HLTF: variants seen among roughly 807,000 people sequenced by gnomAD.
HLTF encodes DNA-dependent ATPase/E3 ubiquitin-protein ligase HLTF.
HLTF carries 127 observed loss-of-function variants against 129.4 expected under a neutral mutation model. The observed-to-expected ratio is 0.98, with a 90% CI of 0.85 to 1.14. HLTF has a LOEUF of 1.14. HLTF is among the 50% of genes most tolerant of loss of function. HLTF has a pLI of 0.00. For missense variants in HLTF, 1,139 were observed against 1,187.1 expected (o/e 0.96, Z 0.60); for synonymous variants, 332 against 388.8 (o/e 0.85, Z 1.72).
chr3:149,069,511 C>G (rs532662181), intron 7 of HLTF, among the ~76,000 whole-genome samples: 1 of 151,258 alleles, frequency 6.6e-6, no homozygotes, highest in South Asian at 2.1e-4. Context: ...CTTGACGAAG[C>G]AGTACACATT....
chr3:149,076,183 C>G (rs572891340), intron 2 of HLTF, 136 bp from the exon 3 acceptor site: 1 of 404,152 alleles, frequency 2.5e-6, no homozygotes, highest in East Asian at 3.7e-5. Context: ...ATTTTCTAGA[C>G]ACAAACTACA....
At chr3:149,035,958 A>AC (rs1269582396) in intron 23 of HLTF, among the ~76,000 whole-genome samples, 1 of 151,528 alleles carries the variant, frequency 6.6e-6, no homozygotes, top group African/African-American at 2.4e-5. Flanking sequence ...ACACGGTGAA[A>AC]CCCCATCTCT....
chr3:149,045,321 A>G (rs968001233), intron 18 of HLTF, among the ~76,000 whole-genome samples: 8 of 152,136 alleles, frequency 5.3e-5, no homozygotes, highest in African/African-American at 1.9e-4. Flanking sequence ...CAGCTTTGGC[A>G]TTCCCCATCC....
chr3:149,035,656 C>CAAA (rs59996160), intron 23 of HLTF, among the ~76,000 whole-genome samples: 5 of 73,408 alleles, frequency 6.8e-5, no homozygotes, highest in African/African-American at 1.1e-4. Flanking sequence ...GACTCCGTCT[C>CAAA]AAAAAAAAAA....
intron 7 of HLTF, among the ~76,000 whole-genome samples, chr3:149,070,033 T>A (rs1576614781): frequency 6.6e-6 from 1 of 152,206 alleles, no homozygotes; most frequent in African/African-American, 2.4e-5. Flanking sequence ...TGTTATAAAA[T>A]CATACATGGG....
Position 149,075,809 on chromosome 3 carries a change from C to G in HLTF, c.395+72G>C, listed in dbSNP as rs538617722. 1.6e-4 allele frequency: 156 copies of G among 997,572 alleles called. No homozygotes were observed. The East Asian group carries it at 4.0e-3, about 25-fold the overall frequency. 61.8% of individuals were successfully genotyped at this position (997,572 alleles called of 1,614,324 possible). A position where few individuals can be genotyped will look rare whatever the true frequency, so the allele number is the denominator to read the frequency against. On this transcript the variant is annotated intron_variant, in intron 3 of 24. Transcript: ENST00000310053. ...GTTAGCATACCTTTATAGGCTCTAACAAGAAGCCCTAACAAGTTCAAAGAT... is the reference window on the plus strand; with the variant it reads ...GTTAGCATACCTTTATAGGCTCTAAGAAGAAGCCCTAACAAGTTCAAAGAT...
intron 13 of HLTF, among the ~76,000 whole-genome samples, chr3:149,055,957 C>A (rs367854433): frequency 2.5e-4 from 38 of 152,324 alleles, no homozygotes; most frequent in African/African-American, 8.4e-4. Context: ...AGCCAGCTGC[C>A]ACGATGTGAG....
chr3:149,086,150 C>T (rs1241309319), intron 1 of HLTF, among the ~76,000 whole-genome samples, 167 bp downstream of exon 1: 1 of 152,194 alleles, frequency 6.6e-6, no homozygotes, highest in African/African-American at 2.4e-5. Context: ...TACTCGCCAG[C>T]GAAGACAATG....
chr3:149,045,034 T>C (rs937494074), intron 18 of HLTF, among the ~76,000 whole-genome samples: 1 of 152,054 alleles, frequency 6.6e-6, no homozygotes, highest in African/African-American at 2.4e-5. Context: ...CCCTTTAAGG[T>C]TTCCTGTCAT....
chr3:149,071,576 T>G lies in HLTF; in HGVS notation c.702+7A>C, dbSNP rs1718866243. On this transcript the variant is annotated splice_region_variant and intron_variant, in intron 6 of 24. Coordinates refer to ENST00000310053, the MANE Select transcript of HLTF (RefSeq NM_003071.4). ...GTAGTCTTAAATAAAAAATATTGGT[T>G]CAATACCTCAGCTGGTTCCATTTCA... 3 of 1,573,750 alleles carry G rather than the reference T, an allele frequency of 1.9e-6. No homozygotes were observed. Among genetic ancestry groups the G allele is most frequent in the Non-Finnish European group, 2.6e-6 (3 of 1,148,124 alleles).
chr3:149,073,141 G>A (rs539181356), intron 5 of HLTF, 84 bp downstream of exon 5: 8 of 748,462 alleles, frequency 1.1e-5, no homozygotes, highest in Admixed American at 5.5e-5. Context: ...ATACCCACAC[G>A]TACATATTCA....
intron 20 of HLTF, 120 bp from the exon 21 acceptor site, chr3:149,040,276 C>G (rs1476318710): frequency 3.6e-6 from 3 of 824,028 alleles, no homozygotes; most frequent in Middle Eastern, 3.6e-4. Flanking sequence ...TTTATTAAAC[C>G]TTTTAATGGA....
At chr3:149,034,780 T>C (rs1248664076) in intron 24 of HLTF, 138 bp downstream of exon 24, 2 of 627,908 alleles carry the variant, frequency 3.2e-6, no homozygotes, top group Non-Finnish European at 5.8e-6. Context: ...TATTAAATTA[T>C]TGATGAAGGA....
At chr3:149,038,858 G>C (rs1715870140) in intron 23 of HLTF, among the ~76,000 whole-genome samples, 191 bp downstream of exon 23, 1 of 152,164 alleles carries the variant, frequency 6.6e-6, no homozygotes, top group Non-Finnish European at 1.5e-5. Context: ...AGGATGTTGT[G>C]AGGATTTCAG....
At chr3:149,040,884 A>G (rs1018910999) in intron 20 of HLTF, among the ~76,000 whole-genome samples, 27 of 152,236 alleles carry the variant, frequency 1.8e-4, no homozygotes, top group African/African-American at 6.3e-4. Context: ...CATATGTTAT[A>G]TATCAATTTA....
chr3:149,046,470 C>T (rs1463189865), intron 17 of HLTF, among the ~76,000 whole-genome samples: 1 of 151,928 alleles, frequency 6.6e-6, no homozygotes, highest in African/African-American at 2.4e-5. Context: ...GGAAATTTCC[C>T]CTCAATACCT....
intron 7 of HLTF, among the ~76,000 whole-genome samples, chr3:149,069,260 T>C (rs751466212): frequency 2.0e-5 from 3 of 151,882 alleles, no homozygotes; most frequent in East Asian, 1.9e-4. Flanking sequence ...TCACCTGAGG[T>C]AGGAGTTCAA....
intron 15 of HLTF, 117 bp from the exon 16 acceptor site, chr3:149,049,118 T>C (rs1716782437): frequency 1.7e-6 from 1 of 597,118 alleles, no homozygotes; most frequent in Non-Finnish European, 2.8e-6. Context: ...TGCTAGGTAC[T>C]GCTTTAAGCA....
rs771148946 is a variant in HLTF at position 149,048,050 on chromosome 3, T to C, written c.1870A>G (p.Met624Val). Residue 624 changes from methionine (M) to valine (V), a missense_variant, in exon 17 of 25, where the codon ATG (methionine) becomes GTG (valine). Met to Val is a conservative substitution (Grantham distance 21). Transcript: ENST00000310053. ...WHRTIQRPVT[M>V]GDEGGLRRLQ... ...TACCTAAGTCCTCCTTCATCTCCCATTGTGACAGGACGCTGTATTGTTCTA... is the reference window on the plus strand; with the variant it reads ...TACCTAAGTCCTCCTTCATCTCCCACTGTGACAGGACGCTGTATTGTTCTA... 6.2e-7 allele frequency: 1 copy of C among 1,605,832 alleles called. No homozygotes were observed. Among genetic ancestry groups the C allele is most frequent in the Admixed American group, 1.7e-5 (1 of 58,320 alleles).
Sources: gnomAD v4.1 joint callset for allele counts (sites outside exome capture counted in the v4.1 genomes callset) on GRCh38, gnomAD v4.1.1 for gene constraint, MANE v1.5 for transcripts, NCBI Gene and HGNC (gene_info 2026-07-23, HGNC 2026-07-21) for gene names.